EPB41: variants seen among roughly 807,000 people sequenced by gnomAD.
EPB41 encodes the protein protein 4.1.
Under a neutral mutation model 108.0 loss-of-function variants are expected in EPB41, and 65 were observed. The ratio of observed to expected loss-of-function variants is 0.60; its 90% CI spans 0.49 to 0.74. EPB41 has a LOEUF of 0.74. EPB41 is among the 30% of genes least tolerant of loss of function. The probability of loss-of-function intolerance (pLI) is 0.00; values close to 1 mark genes in which losing one functional copy is unlikely to be tolerated. For missense variants in EPB41, 875 were observed against 1,037.0 expected, an observed-to-expected ratio of 0.84 and a Z score of 2.15; for synonymous variants, 336 against 358.9, an observed-to-expected ratio of 0.94 and a Z score of 0.72.
intron 1 of EPB41, among the ~76,000 whole-genome samples, chr1:28,898,237 C>T (rs1301009880): frequency 6.6e-6 from 1 of 152,126 alleles, no homozygotes; most frequent in Non-Finnish European, 1.5e-5. Flanking sequence ...ACCCTCACAA[C>T]TGCCTGTTCT....
At chr1:28,942,622 T>G (rs2094335193) in intron 1 of EPB41, among the ~76,000 whole-genome samples, 1 of 152,240 alleles carries the variant, frequency 6.6e-6, no homozygotes, top group African/African-American at 2.4e-5. Flanking sequence ...CCAGAAACTT[T>G]CTGAACCAGT....
At chr1:29,057,339 A>C (rs1645675673) in intron 12 of EPB41, among the ~76,000 whole-genome samples, 1 of 131,598 alleles carries the variant, frequency 7.6e-6, no homozygotes, top group African/African-American at 2.9e-5. Flanking sequence ...TCGCACCTGC[A>C]CTCCAGCCTG....
chr1:28,960,982 C>T (rs1329518761), intron 1 of EPB41, among the ~76,000 whole-genome samples: 10 of 140,920 alleles, frequency 7.1e-5, no homozygotes, highest in African/African-American at 1.6e-4. Context: ...TGCAGTGAGC[C>T]GAGATAGTGC....
chr1:28,892,072 A>C (rs1194845062), intron 1 of EPB41, among the ~76,000 whole-genome samples: 1 of 148,636 alleles, frequency 6.7e-6, no homozygotes. Context: ...CAGCCTGGGC[A>C]ATAAGAACAA....
At chr1:28,974,133 A>G (rs771224206) in intron 1 of EPB41, among the ~76,000 whole-genome samples, 2 of 152,206 alleles carry the variant, frequency 1.3e-5, no homozygotes, top group Non-Finnish European at 2.9e-5. Flanking sequence ...TTTTCTCTCT[A>G]AAATAGATTG....
At chr1:29,036,778 C>T (rs1165995594) in intron 10 of EPB41, among the ~76,000 whole-genome samples, 1 of 150,278 alleles carries the variant, frequency 6.7e-6, no homozygotes, top group Admixed American at 6.7e-5. Flanking sequence ...TGGGTTCAAG[C>T]AATTCTCCTG....
chr1:29,027,823 C>T (rs2096740484), intron 7 of EPB41, among the ~76,000 whole-genome samples: 1 of 151,908 alleles, frequency 6.6e-6, no homozygotes, highest in African/African-American at 2.4e-5. Context: ...TAAAGATCTC[C>T]CCTTATTTAT....
chr1:29,090,893 T>C (rs1660947170), intron 16 of EPB41, among the ~76,000 whole-genome samples: 1 of 152,216 alleles, frequency 6.6e-6, no homozygotes, highest in Admixed American at 6.5e-5. Flanking sequence ...GAGATCTGGA[T>C]AACAGTGTCA....
chr1:29,074,931 G>A (rs1653236421), intron 16 of EPB41, among the ~76,000 whole-genome samples: 1 of 152,150 alleles, frequency 6.6e-6, no homozygotes, highest in Admixed American at 6.5e-5. Context: ...GGCTGAGGCG[G>A]GCGGATCACA....
intron 11 of EPB41, among the ~76,000 whole-genome samples, chr1:29,040,658 T>C (rs1641149401): frequency 6.6e-6 from 1 of 152,146 alleles, no homozygotes; most frequent in African/African-American, 2.4e-5. Context: ...TGTTGGAGTC[T>C]CCAAATGTTT....
At chr1:29,096,380 G>A (rs960782958) in intron 16 of EPB41, 43 of 985,828 alleles carry the variant, frequency 4.4e-5, no homozygotes, top group Admixed American at 3.1e-4. Flanking sequence ...TGATATTAAG[G>A]AGATGCCAAG....
chr1:28,921,938 T>A (rs1396684676), intron 1 of EPB41, among the ~76,000 whole-genome samples: 23 of 102,652 alleles, frequency 2.2e-4, no homozygotes, highest in South Asian at 7.8e-4. Context: ...TTATGAAATT[T>A]TATATATATA....
At chr1:28,962,535 C>A (rs2095248648) in intron 1 of EPB41, among the ~76,000 whole-genome samples, 1 of 152,122 alleles carries the variant, frequency 6.6e-6, no homozygotes, top group Admixed American at 6.6e-5. Context: ...ATTTTTGTCA[C>A]CCCAGCAAGA....
chr1:28,958,741 C>A (rs2095063421), intron 1 of EPB41, among the ~76,000 whole-genome samples: 1 of 147,648 alleles, frequency 6.8e-6, no homozygotes, highest in Non-Finnish European at 1.5e-5. Context: ...ATTGCTTGAG[C>A]CTGGGAGGTG....
At chr1:29,047,821 T>A (rs1047538304) in intron 11 of EPB41, among the ~76,000 whole-genome samples, 3 of 64,074 alleles carry the variant, frequency 4.7e-5, no homozygotes, top group African/African-American at 2.0e-4. Context: ...GGAGTTTCAC[T>A]CTTGCTGCCC....
chr1:29,105,999 C>T (rs1667030577), intron 17 of EPB41, among the ~76,000 whole-genome samples: 1 of 152,114 alleles, frequency 6.6e-6, no homozygotes. Flanking sequence ...ATCCACCTGC[C>T]TCGGCCTCCC....
chr1:29,115,632 T>G lies in EPB41; in HGVS notation c.2497-67T>G, dbSNP rs994440888. 1.5e-6 allele frequency: 2 copies of G among 1,324,476 alleles called. No individual in the cohort carries two copies. Among genetic ancestry groups the G allele is most frequent in the South Asian group, 1.2e-5 (1 of 84,200 alleles). The allele number at this position is 1,324,476 out of a possible 1,614,324, so 82.0% of individuals were successfully genotyped here. ...ATCTGTCAGAACATCAGAGAAATGATGACCACTGCCTTCCTTCGCCATCAG... is the reference window on the plus strand; with the variant it reads ...ATCTGTCAGAACATCAGAGAAATGAGGACCACTGCCTTCCTTCGCCATCAG... On this transcript the variant is annotated intron_variant, in intron 19 of 20. Transcript: ENST00000343067. This position sits in a 1 kb window ranked among gnomAD's most constrained non-coding sequence, Gnocchi z 4.4.
chr1:28,922,072 C>A (rs1192333256), intron 1 of EPB41, among the ~76,000 whole-genome samples: 1 of 148,632 alleles, frequency 6.7e-6, no homozygotes. Context: ...CAGGTTGAAG[C>A]GATTCTCCTG....
At chr1:29,088,988 T>C (rs1266087376) in intron 16 of EPB41, among the ~76,000 whole-genome samples, 5 of 152,194 alleles carry the variant, frequency 3.3e-5, no homozygotes, top group Admixed American at 6.6e-5. Context: ...GGACATGTGC[T>C]TTGGTCCTAC....
Sources: gnomAD v4.1 joint callset for allele counts (sites outside exome capture counted in the v4.1 genomes callset) on GRCh38, gnomAD v4.1.1 for gene constraint, Gnocchi (gnomAD v3.1) non-coding constraint, MANE v1.5 for transcripts, NCBI Gene and HGNC (gene_info 2026-07-23, HGNC 2026-07-21) for gene names.